KCP: variants seen among roughly 807,000 people sequenced by gnomAD.
KCP encodes the protein kielin/chordin-like protein.
KCP carries 194 observed loss-of-function variants against 212.7 expected under a neutral mutation model. The ratio of observed to expected loss-of-function variants is 0.91; its 90% CI spans 0.81 to 1.03. The LOEUF is 1.03. KCP is among the 50% of genes least tolerant of loss of function. KCP has a pLI of 0.00. For synonymous variants in KCP, 833 were observed against 865.3 expected (o/e 0.96, Z 0.65); for missense variants, 2,080 against 2,162.5 (o/e 0.96, Z 0.76).
In KCP at chr7:128,907,151, C is replaced by G. The variant is rs73721657; in HGVS notation, c.436G>C (p.Gly146Arg). The G allele has an allele frequency of 3.2e-6, 5 of 1,551,366 alleles. No homozygotes were observed. The highest frequency in any genetic ancestry group is 4.4e-6 in the Non-Finnish European group (5 of 1,146,896). Residue 146 changes from glycine (G) to arginine (R), a missense_variant, in exon 4 of 40, where the codon GGC becomes CGC. Coordinates refer to ENST00000610776, the MANE Select transcript of KCP (RefSeq NM_001366122.1). The part of the protein sequence containing the change: ...RGCSQNGQTY[G>R]NGETFSPDAC... ...TCTGGGGAGAAGGTCTCCCCGTTGC[C>G]GTAGGTCTGGCCATTTTGGCTGCAG...
At chr7:128,908,669 C>G (rs1194531097) in intron 1 of KCP, 101 bp from the exon 2 acceptor site, 3 of 1,275,850 alleles carry the variant, frequency 2.4e-6, no homozygotes, top group African/African-American at 1.5e-5. Flanking sequence ...GGGGGTCATC[C>G]TGTGCACCCT....
chr7:128,885,449 G>T (rs1793593835), intron 26 of KCP, among the ~76,000 whole-genome samples, 179 bp from the exon 27 acceptor site: 1 of 152,186 alleles, frequency 6.6e-6, no homozygotes, highest in Non-Finnish European at 1.5e-5. Flanking sequence ...GCACTGGGAG[G>T]GGTTCAGAAC....
chr7:128,898,162 T>C (rs1345570543), intron 8 of KCP, among the ~76,000 whole-genome samples: 1 of 152,122 alleles, frequency 6.6e-6, no homozygotes, highest in Admixed American at 6.5e-5. Context: ...TTCAAGCCAG[T>C]CTCCTGCCTC....
At position 128,891,084 on chromosome 7, in the gene KCP, G is replaced by T; in HGVS notation, c.1985C>A (p.Pro662His). The change falls in exon 20 of 40, where the codon CCC (proline) becomes CAC (histidine). Residue 662 changes from proline (P) to histidine (H), a missense_variant. By Grantham distance (77) the Pro-to-His change is moderately conservative (BLOSUM62 -2). Coordinates refer to ENST00000610776, the MANE Select transcript of KCP (RefSeq NM_001366122.1). Reference protein sequence around the residue: ...CCPQCPAAPAPAGCPRPGAAH... With the variant: ...CCPQCPAAPAHAGCPRPGAAH... Reference sequence around the variant, plus strand: ...CGCGCCGGGCCGTGGGCAGCCGGCGGGGGCTGGGGCGGCTGCGGCGAGACA... The same window carrying T: ...CGCGCCGGGCCGTGGGCAGCCGGCGTGGGCTGGGGCGGCTGCGGCGAGACA... 7.0e-7 allele frequency: 1 copy of T among 1,422,240 alleles called. No homozygotes were observed. 88.1% of individuals were successfully genotyped at this position (1,422,240 alleles called of 1,614,324 possible).
intron 28 of KCP, 29 bp from the exon 29 acceptor site, chr7:128,884,151 C>T (rs909507464): frequency 2.0e-6 from 3 of 1,519,826 alleles, no homozygotes; most frequent in Admixed American, 2.3e-5. Context: ...AGCGGTGGGT[C>T]CTGGGCCACA....
At chr7:128,894,575 A>G (rs1231732985) in intron 8 of KCP, among the ~76,000 whole-genome samples, 2 of 151,992 alleles carry the variant, frequency 1.3e-5, no homozygotes, top group African/African-American at 2.4e-5. Context: ...TTGAGATGAT[A>G]AAAAAGACTT....
chr7:128,880,313 TG>T, intron 34 of KCP, 72 bp downstream of exon 34: 1 of 1,455,534 alleles, frequency 6.9e-7, no homozygotes, highest in Non-Finnish European at 9.1e-7. Flanking sequence ...CTCTGATGCC[TG>T]GTCACACCAG....
At chr7:128,896,048 G>A (rs1241197270) in intron 8 of KCP, among the ~76,000 whole-genome samples, 4 of 152,160 alleles carry the variant, frequency 2.6e-5, no homozygotes, top group East Asian at 3.9e-4. Context: ...CTCCTTTCCT[G>A]TAACATCTTT....
At chr7:128,894,378 A>T in intron 8 of KCP, 85 bp from the exon 9 acceptor site, 2 of 1,088,384 alleles carry the variant, frequency 1.8e-6, no homozygotes, top group Non-Finnish European at 2.6e-6. Context: ...CTATCCACTT[A>T]TTAGATGTGT....
chr7:128,878,509 C>A (rs1259242600), intron 38 of KCP, 49 bp downstream of exon 38: 2 of 1,510,464 alleles, frequency 1.3e-6, no homozygotes, highest in Non-Finnish European at 1.8e-6. Flanking sequence ...GAGACTCATG[C>A]TCAGCTGCGT....
intron 8 of KCP, among the ~76,000 whole-genome samples, chr7:128,896,094 C>T (rs1282167885): frequency 6.6e-6 from 1 of 152,136 alleles, no homozygotes; most frequent in African/African-American, 2.4e-5. Context: ...TGCGGAAACC[C>T]CCGACCCAAA....
chr7:128,877,776 C>T lies in KCP; in HGVS notation c.4326G>A (p.Leu1442=), dbSNP rs1368303913. The change falls in exon 39 of 40, where the codon CTG becomes CTA. Residue 1442 remains leucine (L), a synonymous_variant. Transcript: ENST00000610776. ...FGNSWQVSEG[L]WPGRPCSAGR... ...CTGCAGAACAGGGCCGGCCAGGCCACAGCCCCTCTGAGACCTGGGTGGGGA... is the reference window on the plus strand; with the variant it reads ...CTGCAGAACAGGGCCGGCCAGGCCATAGCCCCTCTGAGACCTGGGTGGGGA... The T allele has an allele frequency of 1.9e-6, 3 of 1,548,288 alleles. No individual in the cohort carries two copies. In the Admixed American group the frequency reaches 5.9e-5, roughly 30 times the overall value.
At position 128,890,112 on chromosome 7, in the gene KCP, ATCTCTCT is replaced by A. The variant is rs1793996021; in HGVS notation, c.2335+224_2335+230del. On this transcript the variant is annotated intron_variant, in intron 21 of 39. Transcript: ENST00000610776. ...TTTAAATTTTTTGTGTAGAGACAAG[ATCTCTCT>A]ATGTTGCCCAGGCTGGTCTTGAACT... 4.6e-6 allele frequency: 3 copies of A among 645,576 alleles called. No homozygotes were observed. In the East Asian group the frequency reaches 9.0e-5, roughly 19 times the overall value. 40.0% of individuals were successfully genotyped at this position (645,576 alleles called of 1,614,324 possible). A position where few individuals can be genotyped will look rare whatever the true frequency, so the allele number is the denominator to read the frequency against.
intron 1 of KCP, among the ~76,000 whole-genome samples, chr7:128,910,388 C>T (rs570768753): frequency 2.6e-5 from 4 of 152,394 alleles, no homozygotes; most frequent in African/African-American, 7.2e-5. Context: ...CTGCAGGAAC[C>T]GCCCCCCTCT....
chr7:128,895,685 G>A (rs1321223036), intron 8 of KCP, among the ~76,000 whole-genome samples: 1 of 152,152 alleles, frequency 6.6e-6, no homozygotes, highest in Non-Finnish European at 1.5e-5. Flanking sequence ...GATAGAACAG[G>A]TTGCAGCCAA....
intron 8 of KCP, among the ~76,000 whole-genome samples, chr7:128,897,099 T>C (rs1342992585): frequency 1.3e-5 from 2 of 152,070 alleles, no homozygotes; most frequent in Non-Finnish European, 2.9e-5. Context: ...AAAGTTTTGA[T>C]TAATGGAAAA....
chr7:128,908,240 GAAGAAAGAAAGAAGAAAGAAAGAAAGA>G lies in KCP; in HGVS notation c.219+159_219+185del, dbSNP rs1423828867. Among the ~76,000 whole-genome samples, 583 of 70,868 alleles carry G rather than the reference GAAGAAAGAAAGAAGAAAGAAAGAAAGA, an allele frequency of 8.2e-3. 9 individuals carry two copies. The highest frequency in any genetic ancestry group is 0.038 in the East Asian group (130 of 3,400). 46.5% of individuals were successfully genotyped at this position (70,868 alleles called of 152,430 possible). A position where few individuals can be genotyped will look rare whatever the true frequency, so the allele number is the denominator to read the frequency against. On this transcript the variant is annotated intron_variant, in intron 2 of 39. Transcript: ENST00000610776. Reference sequence around the variant, plus strand: ...GGAAGGAGGGAAGGAAAGAAGAAAGGAAGAAAGAAAGAAGAAAGAAAGAAAGAAAGAAAGAAAGAAAGAAAGAAAGAA... The same window carrying G: ...GGAAGGAGGGAAGGAAAGAAGAAAGGAAGAAAGAAAGAAAGAAAGAAAGAA...
chr7:128,877,535 G>A lies in KCP; in HGVS notation c.4567C>T (p.His1523Tyr). ...GGTGTCACTCCTGCCTGGCGACAGT[G>A]ACTGGCGTAGGCTTCCAGGGCATCA... ...LCDALEAYAS[H>Y]CRQAGVTPTW... Residue 1523 changes from histidine (H) to tyrosine (Y), a missense_variant, in exon 39 of 40, where the codon CAC (histidine) becomes TAC (tyrosine). By Grantham distance (83) the His-to-Tyr change is moderately conservative (BLOSUM62 2). Coordinates refer to ENST00000610776, the MANE Select transcript of KCP (RefSeq NM_001366122.1). 1 of 1,551,444 alleles carries A rather than the reference G, an allele frequency of 6.4e-7. No homozygotes were observed. The highest frequency in any genetic ancestry group is 8.7e-7 in the Non-Finnish European group (1 of 1,146,974).
chr7:128,892,885 G>T lies in KCP; in HGVS notation c.1404C>A (p.His468Gln). 1 of 1,550,032 alleles carries T rather than the reference G, an allele frequency of 6.5e-7. No individual in the cohort carries two copies. Among genetic ancestry groups the T allele is most frequent in the Non-Finnish European group, 8.7e-7 (1 of 1,146,154 alleles). ...AVLCPPAPCQ[H>Q]PTQPPGACCP... ...GGCACTCACCAGGGGGCTGGGTGGG[G>T]TGCTGGCAGGGGGCTGGGGGGCAGA... The change falls in exon 14 of 40, where the codon CAC becomes CAA. Residue 468 changes from histidine (H) to glutamine (Q), a missense_variant. Coordinates refer to ENST00000610776, the MANE Select transcript of KCP (RefSeq NM_001366122.1).
Sources: allele counts gnomAD v4.1 joint callset (sites outside exome capture counted in the v4.1 genomes callset), GRCh38; gene constraint gnomAD v4.1.1; transcripts MANE v1.5; gene names NCBI Gene and HGNC (gene_info 2026-07-23, HGNC 2026-07-21).